The following NWD2 variants were observed in gnomAD, a reference collection of about 807,000 sequenced individuals.
NWD2 encodes the protein NACHT and WD repeat domain-containing protein 2.
In NWD2, 37 loss-of-function variants were observed where a neutral mutation model predicts 132.7. That is an observed-to-expected ratio of 0.28 (90% confidence interval 0.21 to 0.37). The LOEUF is 0.37. NWD2 is among the 10% of genes least tolerant of loss of function. The pLI is 1.00. For missense variants in NWD2, 1,592 were observed against 2,122.4 expected, an observed-to-expected ratio of 0.75 and a Z score of 4.91; for synonymous variants, 705 against 803.0, an observed-to-expected ratio of 0.88 and a Z score of 2.06.
intron 3 of NWD2, among the ~76,000 whole-genome samples, chr4:37,404,443 G>C (rs1720956615): frequency 6.6e-6 from 1 of 152,026 alleles, no homozygotes; most frequent in African/African-American, 2.4e-5. Flanking sequence ...TTATCCAGTG[G>C]AGGCCAGTTC....
chr4:37,377,581 A>G (rs1720370133), intron 3 of NWD2, among the ~76,000 whole-genome samples: 1 of 152,114 alleles, frequency 6.6e-6, no homozygotes, highest in African/African-American at 2.4e-5. Flanking sequence ...AAAATACAAA[A>G]AAATTAGACA....
chr4:37,441,059 C>T (rs1324722233), intron 6 of NWD2, among the ~76,000 whole-genome samples: 2 of 152,102 alleles, frequency 1.3e-5, no homozygotes, highest in African/African-American at 4.8e-5. Context: ...CAAAGTAAGC[C>T]CATAGGTGAA....
chr4:37,265,046 A>G (rs1308051879), intron 1 of NWD2, among the ~76,000 whole-genome samples: 1 of 152,144 alleles, frequency 6.6e-6, no homozygotes, highest in African/African-American at 2.4e-5. Flanking sequence ...ATCAGATCAA[A>G]AATGTATCTA....
intron 1 of NWD2, among the ~76,000 whole-genome samples, chr4:37,254,732 A>T (rs1184397862): frequency 4.2e-5 from 4 of 94,428 alleles, no homozygotes; most frequent in African/African-American, 7.5e-5. Flanking sequence ...GAAAGTTAAT[A>T]AAAAAAGATG....
At chr4:37,438,299 T>C (rs988594082) in intron 5 of NWD2, among the ~76,000 whole-genome samples, 35 of 152,250 alleles carry the variant, frequency 2.3e-4, no homozygotes, top group Non-Finnish European at 4.0e-4. Context: ...TGCTTTTATA[T>C]TGATATTTGA....
At chr4:37,385,089 C>A (rs1264469418) in intron 3 of NWD2, among the ~76,000 whole-genome samples, 1 of 152,124 alleles carries the variant, frequency 6.6e-6, no homozygotes, top group African/African-American at 2.4e-5. Flanking sequence ...AGTGGTAGAA[C>A]CCAGCTTCAT....
At chr4:37,309,692 T>C (rs1718791790) in intron 1 of NWD2, among the ~76,000 whole-genome samples, 2 of 152,138 alleles carry the variant, frequency 1.3e-5, no homozygotes, top group Non-Finnish European at 2.9e-5. Flanking sequence ...ATTGCAGGTG[T>C]CTGTGGTGGG....
chr4:37,338,263 C>T (rs1370760249), intron 2 of NWD2, among the ~76,000 whole-genome samples: 3 of 152,218 alleles, frequency 2.0e-5, no homozygotes, highest in African/African-American at 4.8e-5. Flanking sequence ...ATGTAATTGG[C>T]AGTGCTCCAA....
intron 3 of NWD2, among the ~76,000 whole-genome samples, chr4:37,375,814 G>A (rs1188229150): frequency 1.3e-5 from 2 of 152,044 alleles, no homozygotes; most frequent in African/African-American, 4.8e-5. Context: ...TGATCCACCC[G>A]CCTCGGCCTC....
chr4:37,288,853 CT>C (rs1333312999), intron 1 of NWD2, among the ~76,000 whole-genome samples: 3 of 151,938 alleles, frequency 2.0e-5, no homozygotes, highest in African/African-American at 7.3e-5. Context: ...AACCCAAATC[CT>C]TTTAGGAACA....
intron 1 of NWD2, among the ~76,000 whole-genome samples, chr4:37,295,867 T>A (rs1718479471): frequency 6.6e-6 from 1 of 152,226 alleles, no homozygotes; most frequent in African/African-American, 2.4e-5. Flanking sequence ...TAATGTTTTA[T>A]TTGGATGTAC....
At chr4:37,336,971 A>G (rs193082450) in intron 2 of NWD2, among the ~76,000 whole-genome samples, 1,915 of 150,544 alleles carry the variant, frequency 0.013, 34 homozygotes, top group African/African-American at 0.044. Flanking sequence ...AAAAAAAAAA[A>G]CAAGAAATTG....
chr4:37,399,898 A>G (rs1720869341), intron 3 of NWD2, among the ~76,000 whole-genome samples: 1 of 152,206 alleles, frequency 6.6e-6, no homozygotes, highest in Admixed American at 6.5e-5. Flanking sequence ...GTGTTTTAAC[A>G]AGCTCACCAG....
intron 1 of NWD2, among the ~76,000 whole-genome samples, chr4:37,302,364 A>C (rs1718628445): frequency 6.6e-6 from 1 of 152,084 alleles, no homozygotes; most frequent in South Asian, 2.1e-4. Context: ...TAATCTGTTG[A>C]TGGACTCTTG....
At chr4:37,387,786 C>A (rs1472989823) in intron 3 of NWD2, among the ~76,000 whole-genome samples, 1 of 151,134 alleles carries the variant, frequency 6.6e-6, no homozygotes, top group African/African-American at 2.4e-5. Context: ...GCGATTCTCC[C>A]GCCTCAGCCT....
chr4:37,266,304 A>G (rs1046049280), intron 1 of NWD2, among the ~76,000 whole-genome samples: 2 of 152,110 alleles, frequency 1.3e-5, no homozygotes, highest in Non-Finnish European at 1.5e-5. Flanking sequence ...CCAGGGGTGG[A>G]TCTGGCCTTT....
At chr4:37,409,225 A>G (rs966682645) in intron 3 of NWD2, among the ~76,000 whole-genome samples, 8 of 152,138 alleles carry the variant, frequency 5.3e-5, no homozygotes, top group Non-Finnish European at 8.8e-5. Flanking sequence ...CTAAAGGAGC[A>G]TGTTCTAACC....
chr4:37,303,963 T>C (rs1473867848), intron 1 of NWD2, among the ~76,000 whole-genome samples: 2 of 152,188 alleles, frequency 1.3e-5, no homozygotes, highest in Non-Finnish European at 2.9e-5. Context: ...CTAGGACTTT[T>C]AGTTCTGTGC....
At chr4:37,425,406 A>G (rs1022473645) in intron 3 of NWD2, among the ~76,000 whole-genome samples, 1 of 152,166 alleles carries the variant, frequency 6.6e-6, no homozygotes, top group Non-Finnish European at 1.5e-5. Flanking sequence ...CCTAGCTGAT[A>G]TTATGTGTCT....
Sources: allele counts gnomAD v4.1 joint callset (sites outside exome capture counted in the v4.1 genomes callset), GRCh38; gene constraint gnomAD v4.1.1; transcripts MANE v1.5; gene names NCBI Gene and HGNC (gene_info 2026-07-23, HGNC 2026-07-21).